DOCK9: variants seen among roughly 807,000 people sequenced by gnomAD.
The protein encoded by DOCK9 is dedicator of cytokinesis 9.
A neutral mutation model predicts 263.3 loss-of-function variants in DOCK9; 89 were observed. The ratio of observed to expected loss-of-function variants is 0.34; its 90% confidence interval spans 0.28 to 0.40. DOCK9 has a LOEUF of 0.40. Among genes scored for constraint, DOCK9 ranks in the 10% least tolerant of loss-of-function variants. DOCK9 has a pLI of 1.00. For missense variants in DOCK9, 2,140 were observed against 2,603.4 expected (o/e 0.82, Z 3.87); for synonymous variants, 976 against 973.1 (o/e 1.00, Z -0.06).
intron 1 of DOCK9, among the ~76,000 whole-genome samples, chr13:99,034,148 A>G (rs762353283): frequency 4.6e-5 from 7 of 152,038 alleles, no homozygotes; most frequent in African/African-American, 7.2e-5. Flanking sequence ...AAAAGAGATT[A>G]TGAAGATTAC....
intron 2 of DOCK9, 145 bp from the exon 3 acceptor site, chr13:98,930,402 G>A (rs6491468): frequency 0.49 from 323,312 of 664,846 alleles, 80,876 homozygotes; most frequent in Middle Eastern, 0.55. Context: ...GCCTCCTTCC[G>A]TCACACACAA....
At chr13:98,880,206 G>A (rs185197213) in intron 26 of DOCK9, among the ~76,000 whole-genome samples, 1 of 152,104 alleles carries the variant, frequency 6.6e-6, no homozygotes, top group Admixed American at 6.5e-5. Flanking sequence ...GCTCAGCGTG[G>A]CACAACCAGC....
rs532217839 is a variant in DOCK9, at chr13:98,807,743, G to A, written c.5432C>T (p.Ser1811Leu). ...IYKEPKLTPL[S>L]EISQRLLKLY... ...TTTAAGGAGTCTCTGAGAAATTTCCGACAGCGGTGTGAGTTTGGGTTCCTT... is the reference window on the plus strand; with the variant it reads ...TTTAAGGAGTCTCTGAGAAATTTCCAACAGCGGTGTGAGTTTGGGTTCCTT... Residue 1811 changes from serine (S) to leucine (L), a missense_variant, in exon 48 of 53, where the codon TCG (serine) becomes TTG (leucine). This residue lies in a region of DOCK9 where 619 missense variants were observed against 861.8 expected (regional missense o/e 0.72). Coordinates refer to ENST00000682017, the MANE Select transcript of DOCK9 (RefSeq NM_001366683.2). 13 of 1,613,522 alleles carry A rather than the reference G, an allele frequency of 8.1e-6. No homozygotes were observed. In the South Asian group the frequency reaches 1.2e-4, roughly 15 times the overall value.
At chr13:98,920,180 G>C in intron 7 of DOCK9, among the ~76,000 whole-genome samples, 1 of 152,156 alleles carries the variant, frequency 6.6e-6, no homozygotes. Flanking sequence ...GAGGAGTCCA[G>C]AAGGACTTTC....
upstream of DOCK9, among the ~76,000 whole-genome samples, chr13:99,087,654 C>G (rs1396812444): frequency 1.3e-5 from 2 of 152,190 alleles, no homozygotes; most frequent in African/African-American, 4.8e-5. Flanking sequence ...CCGGCGCAGC[C>G]TAACCCTCAC....
At position 98,919,849 on chromosome 13, in the gene DOCK9, A is replaced by G. The variant is rs553533372; in HGVS notation, c.717+1105T>C. Among the ~76,000 whole-genome samples the G allele has an allele frequency of 7.2e-5, 11 of 152,356 alleles. No individual in the cohort carries two copies. In the South Asian group the frequency reaches 2.3e-3, roughly 32 times the overall value. On this transcript the variant is annotated intron_variant, in intron 7 of 52. Transcript: ENST00000682017. Reference sequence around the variant, plus strand: ...CACCCACAGCAGGTGTTAGATCTTCAAAACATACGCTTTCTCCTTAACTCT... The same window carrying G: ...CACCCACAGCAGGTGTTAGATCTTCGAAACATACGCTTTCTCCTTAACTCT...
chr13:99,079,437 T>C (rs544371959), intron 1 of DOCK9, among the ~76,000 whole-genome samples: 9 of 152,188 alleles, frequency 5.9e-5, no homozygotes, highest in Non-Finnish European at 8.8e-5. Flanking sequence ...TAGGGCATCA[T>C]AGGTGGTCAA....
chr13:98,989,947 C>T (rs1174789432), intron 1 of DOCK9, among the ~76,000 whole-genome samples: 2 of 152,204 alleles, frequency 1.3e-5, no homozygotes, highest in Non-Finnish European at 2.9e-5. Flanking sequence ...AATATTCACA[C>T]ATCTTTCAAA....
chr13:98,975,253 C>T (rs1415223516), intron 1 of DOCK9, among the ~76,000 whole-genome samples: 1 of 151,688 alleles, frequency 6.6e-6, no homozygotes, highest in African/African-American at 2.4e-5. Flanking sequence ...GTGGCGGGCA[C>T]CTATAATCTT....
At chr13:99,085,452 G>A (rs138786554) in intron 1 of DOCK9, among the ~76,000 whole-genome samples, 1 of 152,220 alleles carries the variant, frequency 6.6e-6, no homozygotes, top group African/African-American at 2.4e-5. Flanking sequence ...CAGCAGGACC[G>A]GCGCTGGCTG....
At chr13:99,064,948 C>CA (rs773799351) in intron 1 of DOCK9, among the ~76,000 whole-genome samples, 3 of 152,174 alleles carry the variant, frequency 2.0e-5, no homozygotes, top group African/African-American at 4.8e-5. Flanking sequence ...CATCTGTCTG[C>CA]AATGGTTTAT....
At chr13:99,084,226 G>C (rs951887993) in intron 1 of DOCK9, among the ~76,000 whole-genome samples, 1 of 152,198 alleles carries the variant, frequency 6.6e-6, no homozygotes, top group African/African-American at 2.4e-5. Context: ...AAGGAGGTGG[G>C]GGGATGAGGT....
Position 98,829,386 on chromosome 13 carries a change from T to G in DOCK9, c.4886A>C (p.Tyr1629Ser). The change falls in exon 43 of 53, where the codon TAT (tyrosine) becomes TCT (serine). Residue 1629 changes from tyrosine to serine, a missense_variant. Transcript: ENST00000682017. The surrounding 1 kb of genome is among the most constrained non-coding windows in gnomAD (Gnocchi z 4.1). ...VDLQYSLAKS[Y>S]ASTPELRKTW... is the part of the protein sequence containing the mutation. ...CTTCCTGAGCTCGGGCGTGCTGGCA[T>G]AGGATTTGGCCAGGCTGTACTGGAG... 6.2e-7 allele frequency: 1 copy of G among 1,613,822 alleles called. No homozygotes were observed. The highest frequency in any genetic ancestry group is 8.5e-7 in the Non-Finnish European group (1 of 1,179,872).
At chr13:99,069,789 C>T (rs1021486681) in intron 1 of DOCK9, among the ~76,000 whole-genome samples, 4 of 152,170 alleles carry the variant, frequency 2.6e-5, no homozygotes, top group Non-Finnish European at 5.9e-5. Flanking sequence ...TCAAGTTAAT[C>T]GCTTAAAAGT....
rs2052087328 is a variant in DOCK9 at position 98,921,992 on chromosome 13, C to T, written c.582+59G>A. On this transcript the variant is annotated intron_variant, in intron 6 of 52. Transcript: ENST00000682017. Reference sequence around the variant, plus strand: ...GCGCATTCATCTTGAGCATTGTTCTCGAGCTCTATGGCAGAAAGGGCTTGT... The same window carrying T: ...GCGCATTCATCTTGAGCATTGTTCTTGAGCTCTATGGCAGAAAGGGCTTGT... 36 of 1,362,774 alleles carry T rather than the reference C, an allele frequency of 2.6e-5. No individual in the cohort carries two copies. In the South Asian group the frequency reaches 3.8e-4, roughly 15 times the overall value. 84.4% of individuals were successfully genotyped at this position (1,362,774 alleles called of 1,614,324 possible).
intron 1 of DOCK9, among the ~76,000 whole-genome samples, chr13:99,054,917 T>C (rs546306179): frequency 6.6e-6 from 1 of 152,336 alleles, no homozygotes; most frequent in African/African-American, 2.4e-5. Context: ...AAGTGCCTTC[T>C]TCACTTACTT....
intron 52 of DOCK9, among the ~76,000 whole-genome samples, chr13:98,795,213 C>T (rs1009819913): frequency 3.9e-5 from 6 of 152,220 alleles, no homozygotes; most frequent in Admixed American, 2.0e-4. Context: ...GGGACACAAC[C>T]TAGCCTTGAC....
chr13:99,043,591 C>A (rs1888680099), intron 1 of DOCK9, among the ~76,000 whole-genome samples: 1 of 152,074 alleles, frequency 6.6e-6, no homozygotes. Flanking sequence ...GGGAGGCTGC[C>A]AAACAGGTCC....
chr13:98,967,908 T>C (rs951669855), intron 1 of DOCK9, among the ~76,000 whole-genome samples: 10 of 152,176 alleles, frequency 6.6e-5, no homozygotes, highest in African/African-American at 2.4e-4. Flanking sequence ...ATCAAATATT[T>C]CAAGGCATGA....
Sources: gnomAD v4.1 joint callset for allele counts (sites outside exome capture counted in the v4.1 genomes callset) on GRCh38, gnomAD v4.1.1 for gene constraint, gnomAD v4.1.1 regional missense constraint, Gnocchi (gnomAD v3.1) non-coding constraint, MANE v1.5 for transcripts, NCBI Gene and HGNC (gene_info 2026-07-23, HGNC 2026-07-21) for gene names.